TRIP4: variants seen among roughly 807,000 people sequenced by gnomAD.
TRIP4 encodes the protein thyroid hormone receptor interactor 4.
A neutral mutation model predicts 81.8 loss-of-function variants in TRIP4; 54 were observed. That is an observed-to-expected ratio of 0.66 (90% CI 0.53 to 0.83). TRIP4 has a LOEUF of 0.83. TRIP4 is among the 40% of genes least tolerant of loss of function. TRIP4 has a pLI of 0.00. For synonymous variants in TRIP4, 270 were observed against 242.8 expected (o/e 1.11, Z -1.04); for missense variants, 662 against 683.6 (o/e 0.97, Z 0.35).
intron 7 of TRIP4, among the ~76,000 whole-genome samples, chr15:64,412,789 G>A (rs1009283489): frequency 6.6e-5 from 10 of 152,176 alleles, no homozygotes; most frequent in African/African-American, 2.4e-4. Context: ...AGCAAGTACT[G>A]TAGAGCTATA....
At chr15:64,445,150 T>C (rs201926594) in intron 12 of TRIP4, 42 bp downstream of exon 12, 3 of 1,078,128 alleles carry the variant, frequency 2.8e-6, no homozygotes, top group Middle Eastern at 2.4e-4. Flanking sequence ...TCAAGTGCAG[T>C]AGTAAGGAAT....
At position 64,439,917 on chromosome 15, in the gene TRIP4, C is replaced by T. The variant is rs1390187176; in HGVS notation, c.1576-5089C>T. Among the ~76,000 whole-genome samples the T allele has an allele frequency of 2.0e-5, 3 of 151,908 alleles. No individual in the cohort carries two copies. In the South Asian group the frequency reaches 6.2e-4, roughly 32 times the overall value. ...GTGACATAGTTTAGGAGTTATTGATCATTTCAGTACAAGAATGAATAAGAA... is the reference window on the plus strand; with the variant it reads ...GTGACATAGTTTAGGAGTTATTGATTATTTCAGTACAAGAATGAATAAGAA... On this transcript the variant is annotated intron_variant, in intron 11 of 12. Transcript: ENST00000261884.
Position 64,395,391 on chromosome 15 carries a change from T to C in TRIP4, c.272-7T>C. 1.3e-6 allele frequency: 2 copies of C among 1,598,696 alleles called. No homozygotes were observed. Among genetic ancestry groups the C allele is most frequent in the Non-Finnish European group, 1.7e-6 (2 of 1,175,368 alleles). ...GTGTGTGTATTTTTTTTTTTCTATC[T>C]TTAAAGAAATTTTAGATGGGCAGAA... On this transcript the variant is annotated splice_region_variant and splice_polypyrimidine_tract_variant and intron_variant, in intron 2 of 12. Coordinates refer to ENST00000261884, the MANE Select transcript of TRIP4 (RefSeq NM_016213.5).
chr15:64,388,973 G>GA (rs1900035541), intron 1 of TRIP4, among the ~76,000 whole-genome samples: 1 of 152,178 alleles, frequency 6.6e-6, no homozygotes, highest in African/African-American at 2.4e-5. Context: ...ACAAAGACAA[G>GA]ACAGTTGGGT....
At chr15:64,390,648 T>C (rs1190116627) in intron 1 of TRIP4, among the ~76,000 whole-genome samples, 2 of 151,892 alleles carry the variant, frequency 1.3e-5, no homozygotes, top group East Asian at 3.9e-4. Flanking sequence ...CCTAGCACTT[T>C]AGGAGGCCAA....
At chr15:64,444,022 C>T (rs1276992703) in intron 11 of TRIP4, among the ~76,000 whole-genome samples, 2 of 152,056 alleles carry the variant, frequency 1.3e-5, no homozygotes, top group African/African-American at 4.8e-5. Flanking sequence ...ACTATTCATG[C>T]TTCTAGTTAC....
Position 64,404,762 on chromosome 15 carries a change from A to G in TRIP4, c.698-1568A>G, listed in dbSNP as rs1181484322. Among the ~76,000 whole-genome samples, 10 of 150,636 alleles carry G rather than the reference A, an allele frequency of 6.6e-5. No individual in the cohort carries two copies. In the South Asian group the frequency reaches 1.3e-3, roughly 19 times the overall value. On this transcript the variant is annotated intron_variant, in intron 5 of 12. Coordinates refer to ENST00000261884, the MANE Select transcript of TRIP4 (RefSeq NM_016213.5). ...GACGGTCTCTGTCAGGCTGGAGTACATTGGTATGAACACATTTTACTGCAG... is the reference window on the plus strand; with the variant it reads ...GACGGTCTCTGTCAGGCTGGAGTACGTTGGTATGAACACATTTTACTGCAG...
At chr15:64,447,199 C>T (rs1204282020) in intron 12 of TRIP4, among the ~76,000 whole-genome samples, 1 of 152,186 alleles carries the variant, frequency 6.6e-6, no homozygotes, top group Non-Finnish European at 1.5e-5. Context: ...GCAACATCAG[C>T]AACTCTCCCA....
chr15:64,441,145 C>T (rs967984031), intron 11 of TRIP4, among the ~76,000 whole-genome samples: 2 of 151,876 alleles, frequency 1.3e-5, no homozygotes, highest in Non-Finnish European at 2.9e-5. Context: ...TACTGGTGCC[C>T]GCCACCACGC....
intron 12 of TRIP4, among the ~76,000 whole-genome samples, chr15:64,447,278 C>G (rs973638007): frequency 6.6e-6 from 1 of 152,184 alleles, no homozygotes; most frequent in Admixed American, 6.6e-5. Flanking sequence ...TTGCATGATT[C>G]TAGGGCATGC....
intron 11 of TRIP4, among the ~76,000 whole-genome samples, chr15:64,429,365 A>G (rs1892220544): frequency 6.6e-6 from 1 of 152,168 alleles, no homozygotes; most frequent in Non-Finnish European, 1.5e-5. Flanking sequence ...TGTCTAATCT[A>G]TTATACCAGC....
intron 11 of TRIP4, 161 bp from the exon 12 acceptor site, chr15:64,444,845 G>A: frequency 2.0e-6 from 1 of 490,088 alleles, no homozygotes; most frequent in East Asian, 3.7e-5. Context: ...ATTGTAGAAA[G>A]GTGAAGGTTT....
At chr15:64,400,954 T>TTTTTTGTTTGG in intron 5 of TRIP4, 133 bp downstream of exon 5, 1 of 728,854 alleles carries the variant, frequency 1.4e-6, no homozygotes, top group South Asian at 1.8e-5. Flanking sequence ...TGGGGGGTTT[T>TTTTTTGTTTGG]TTTTGTTTTG....
At chr15:64,411,022 A>T (rs770618212) in intron 7 of TRIP4, among the ~76,000 whole-genome samples, 10 of 152,296 alleles carry the variant, frequency 6.6e-5, no homozygotes, top group Non-Finnish European at 1.0e-4. Context: ...AATTTTTTTT[A>T]AAGGATAATA....
At chr15:64,444,829 C>A in intron 11 of TRIP4, 177 bp from the exon 12 acceptor site, 4 of 344,436 alleles carry the variant, frequency 1.2e-5, no homozygotes, top group Non-Finnish European at 1.6e-5. Flanking sequence ...TAATGCTGTA[C>A]TAAGGATTGT....
chr15:64,391,946 G>A (rs1043796982), intron 1 of TRIP4, among the ~76,000 whole-genome samples: 2 of 134,474 alleles, frequency 1.5e-5, no homozygotes, highest in Non-Finnish European at 1.6e-5. Flanking sequence ...ACTCCAGCCT[G>A]GGTGACAGAG....
intron 11 of TRIP4, among the ~76,000 whole-genome samples, chr15:64,431,049 G>C (rs1892259527): frequency 6.6e-6 from 1 of 152,118 alleles, no homozygotes; most frequent in African/African-American, 2.4e-5. Flanking sequence ...CACTTCGTTT[G>C]TGGAAATCAT....
At chr15:64,438,061 G>T (rs1892440974) in intron 11 of TRIP4, among the ~76,000 whole-genome samples, 1 of 152,188 alleles carries the variant, frequency 6.6e-6, no homozygotes. Context: ...TGTTCTAAAA[G>T]ATATGTTATT....
At chr15:64,403,996 A>C (rs1891569151) in intron 5 of TRIP4, among the ~76,000 whole-genome samples, 1 of 151,988 alleles carries the variant, frequency 6.6e-6, no homozygotes, top group Admixed American at 6.6e-5. Flanking sequence ...GTTTGAGACC[A>C]GCCTGACCAA....
Sources: allele counts gnomAD v4.1 joint callset (sites outside exome capture counted in the v4.1 genomes callset), GRCh38; gene constraint gnomAD v4.1.1; transcripts MANE v1.5; gene names NCBI Gene and HGNC (gene_info 2026-07-23, HGNC 2026-07-21).